Variants in STPG4 observed in about 807,000 individuals in gnomAD.
The protein encoded by STPG4 is sperm-tail PG-rich repeat containing 4.
Under a neutral mutation model 31.5 loss-of-function variants are expected in STPG4, and 41 were observed. The observed-to-expected ratio is 1.30, with a 90% confidence interval of 1.01 to 1.69. The LOEUF (loss-of-function observed/expected upper bound fraction) is 1.69, where lower values mean the gene tolerates loss of function less well. Ranked by LOEUF, STPG4 falls within the 40% of genes most tolerant of loss-of-function variation. The probability of loss-of-function intolerance (pLI) is 0.00; values close to 1 mark genes in which losing one functional copy is unlikely to be tolerated. For synonymous variants in STPG4, 141 were observed against 103.0 expected, an observed-to-expected ratio of 1.37 and a Z score of -2.24; for missense variants, 375 against 293.4, an observed-to-expected ratio of 1.28 and a Z score of -2.03.
intron 5 of STPG4, among the ~76,000 whole-genome samples, chr2:47,096,688 C>T (rs192038628): frequency 1.3e-5 from 2 of 152,214 alleles, no homozygotes; most frequent in Non-Finnish European, 2.9e-5. Flanking sequence ...AAGTCAAATC[C>T]ACAAATATTC....
At chr2:47,114,368 A>T (rs1686103453) in intron 5 of STPG4, among the ~76,000 whole-genome samples, 1 of 151,316 alleles carries the variant, frequency 6.6e-6, no homozygotes, top group Non-Finnish European at 1.5e-5. Context: ...TTAGCCAGGC[A>T]TGGTGGCAGG....
chr2:47,097,081 C>T (rs971576015), intron 5 of STPG4, among the ~76,000 whole-genome samples: 4 of 151,932 alleles, frequency 2.6e-5, no homozygotes, highest in African/African-American at 4.8e-5. Flanking sequence ...GGCAAAGGCA[C>T]GGAGCAAGCA....
At chr2:47,134,436 T>C (rs754044604) in intron 3 of STPG4, among the ~76,000 whole-genome samples, 1 of 152,362 alleles carries the variant, frequency 6.6e-6, no homozygotes, top group African/African-American at 2.4e-5. Flanking sequence ...CAGAATGTCA[T>C]AGAGGTGGAA....
intron 3 of STPG4, among the ~76,000 whole-genome samples, chr2:47,135,543 C>T (rs538801735): frequency 3.3e-5 from 5 of 152,096 alleles, no homozygotes; most frequent in Non-Finnish European, 7.4e-5. Flanking sequence ...CCCGCCACCA[C>T]GTCTGGCTAA....
chr2:47,115,652 CTTTT>C (rs70940657), intron 5 of STPG4, among the ~76,000 whole-genome samples: 2 of 113,314 alleles, frequency 1.8e-5, no homozygotes, highest in East Asian at 2.5e-4. Flanking sequence ...ACATTAAAGG[CTTTT>C]TTTTTTTTTT....
At chr2:47,089,203 G>A (rs922746437) in intron 6 of STPG4, among the ~76,000 whole-genome samples, 4 of 152,204 alleles carry the variant, frequency 2.6e-5, no homozygotes, top group African/African-American at 9.6e-5. Context: ...TGACCCCGTG[G>A]GCTCCGACAA....
intron 3 of STPG4, among the ~76,000 whole-genome samples, chr2:47,134,984 T>A (rs1686567357): frequency 6.6e-6 from 1 of 152,222 alleles, no homozygotes; most frequent in Non-Finnish European, 1.5e-5. Context: ...TTTTTTGACA[T>A]CTGTATGTCT....
chr2:47,135,638 C>T (rs554393079), intron 3 of STPG4, among the ~76,000 whole-genome samples: 16 of 152,168 alleles, frequency 1.1e-4, no homozygotes, highest in East Asian at 1.9e-4. Flanking sequence ...CCATCTGCCT[C>T]GGCCTCCCAA....
At chr2:47,112,321 C>A (rs1468522675) in intron 5 of STPG4, among the ~76,000 whole-genome samples, 1 of 151,462 alleles carries the variant, frequency 6.6e-6, no homozygotes, top group Non-Finnish European at 1.5e-5. Context: ...TGTGCACCAC[C>A]ACACCCAGCT....
intron 5 of STPG4, among the ~76,000 whole-genome samples, chr2:47,126,174 C>G (rs1686361128): frequency 6.6e-6 from 1 of 152,120 alleles, no homozygotes; most frequent in African/African-American, 2.4e-5. Context: ...CAGTTTTGTT[C>G]ATTTTGCTCA....
intron 3 of STPG4, among the ~76,000 whole-genome samples, chr2:47,145,198 A>C (rs1386445418): frequency 6.6e-6 from 1 of 152,218 alleles, no homozygotes; most frequent in African/African-American, 2.4e-5. Context: ...GTTTAAAGGA[A>C]CTTCAGAGCC....
At chr2:47,133,842 G>C (rs1360325682) in intron 3 of STPG4, among the ~76,000 whole-genome samples, 1 of 152,008 alleles carries the variant, frequency 6.6e-6, no homozygotes, top group African/African-American at 2.4e-5. Context: ...CTCCCAAAGT[G>C]CTGGGATTAT....
chr2:47,105,582 T>A (rs1047236216), intron 5 of STPG4, among the ~76,000 whole-genome samples: 1 of 152,006 alleles, frequency 6.6e-6, no homozygotes, highest in African/African-American at 2.4e-5. Context: ...CCTGAGATGA[T>A]CTCTTAGAAG....
chr2:47,133,610 T>A (rs1341845340), intron 3 of STPG4, among the ~76,000 whole-genome samples: 3 of 136,528 alleles, frequency 2.2e-5, no homozygotes, highest in African/African-American at 8.6e-5. Flanking sequence ...TGAGTTTGGC[T>A]CTTGTCGCCC....
chr2:47,117,605 C>T (rs1252606098), intron 5 of STPG4, among the ~76,000 whole-genome samples: 1 of 152,206 alleles, frequency 6.6e-6, no homozygotes, highest in Non-Finnish European at 1.5e-5. Context: ...GAATCACAGA[C>T]TCTCATTTAA....
At chr2:47,126,707 G>A (rs1489481254) in intron 5 of STPG4, among the ~76,000 whole-genome samples, 1 of 152,270 alleles carries the variant, frequency 6.6e-6, no homozygotes, top group Non-Finnish European at 1.5e-5. Flanking sequence ...TGTAGGACAG[G>A]TCTGGTGTTG....
intron 3 of STPG4, among the ~76,000 whole-genome samples, chr2:47,144,304 C>A (rs1050421169): frequency 6.6e-6 from 1 of 152,214 alleles, no homozygotes; most frequent in Non-Finnish European, 1.5e-5. Context: ...CTTTCCTTAA[C>A]AATTCCACTC....
chr2:47,095,147 T>G (rs1685644463), intron 5 of STPG4, among the ~76,000 whole-genome samples: 1 of 152,204 alleles, frequency 6.6e-6, no homozygotes, highest in Non-Finnish European at 1.5e-5. Context: ...GCTTCCATGC[T>G]GAATACTGTC....
At chr2:47,088,935 C>G (rs2103719400) in intron 6 of STPG4, among the ~76,000 whole-genome samples, 1 of 152,302 alleles carries the variant, frequency 6.6e-6, no homozygotes, top group South Asian at 2.1e-4. Context: ...CTGCATCTCA[C>G]AAGGCCACCC....
Sources: gnomAD v4.1 joint callset for allele counts (sites outside exome capture counted in the v4.1 genomes callset) on GRCh38, gnomAD v4.1.1 for gene constraint, MANE v1.5 for transcripts, NCBI Gene and HGNC (gene_info 2026-07-23, HGNC 2026-07-21) for gene names.